Variants in TLN2 observed in about 807,000 individuals in gnomAD.
TLN2 encodes the protein talin 2, also known as talin-2.
TLN2 carries 118 observed loss-of-function variants against 294.7 expected under a neutral mutation model. The ratio of observed to expected loss-of-function variants is 0.40; its 90% CI spans 0.34 to 0.47. The LOEUF (loss-of-function observed/expected upper bound fraction) is 0.47. TLN2 is among the 20% of genes least tolerant of loss of function. The pLI is 0.84. For synonymous variants in TLN2, 1,431 were observed against 1,304.5 expected (o/e 1.10, Z -2.09); for missense variants, 3,083 against 3,282.2 (o/e 0.94, Z 1.48).
intron 12 of TLN2, chr15:62,690,331 G>C (rs1375563710): frequency 1.9e-5 from 3 of 159,576 alleles, no homozygotes; most frequent in South Asian, 1.6e-4. Flanking sequence ...CCTCCCAGAC[G>C]GGGTCGCGGC....
At chr15:62,488,711 C>A (rs529071210) in intron 1 of TLN2, among the ~76,000 whole-genome samples, 41 of 152,286 alleles carry the variant, frequency 2.7e-4, no homozygotes, top group Non-Finnish European at 4.9e-4. Flanking sequence ...TTTCAGAATA[C>A]AATGATCAGC....
chr15:62,667,028 T>G (rs959097545), intron 9 of TLN2, among the ~76,000 whole-genome samples: 2 of 152,132 alleles, frequency 1.3e-5, no homozygotes, highest in African/African-American at 2.4e-5. Flanking sequence ...TGCAGTGGCA[T>G]GATCTCGGCT....
chr15:62,570,190 C>G (rs536491737), intron 1 of TLN2, among the ~76,000 whole-genome samples: 1 of 152,274 alleles, frequency 6.6e-6, no homozygotes, highest in East Asian at 1.9e-4. Flanking sequence ...TTTAGGAAGT[C>G]TTTAGGGATT....
At chr15:62,495,231 A>G (rs2038955743) in intron 1 of TLN2, among the ~76,000 whole-genome samples, 1 of 152,160 alleles carries the variant, frequency 6.6e-6, no homozygotes, top group African/African-American at 2.4e-5. Flanking sequence ...TGACCCTCCT[A>G]GGACCTAAGA....
At chr15:62,606,853 C>T (rs1455286608) in intron 2 of TLN2, among the ~76,000 whole-genome samples, 2 of 152,128 alleles carry the variant, frequency 1.3e-5, no homozygotes, top group African/African-American at 4.8e-5. Context: ...AAGTGAATAG[C>T]ACCCTCCTCG....
chr15:62,677,806 CTT>C lies in TLN2; in HGVS notation c.957+2499_957+2500del, dbSNP rs3055781. Reference sequence around the variant, plus strand: ...TTAAGAAAGTAGGCAGCACTTGCAACTTTTTTTTTTTTTTTGAGACGGAGATT... The same window carrying C: ...TTAAGAAAGTAGGCAGCACTTGCAACTTTTTTTTTTTTTGAGACGGAGATT... On this transcript the variant is annotated intron_variant, in intron 11 of 58. Transcript: ENST00000636159. 1.2e-3 allele frequency among the ~76,000 whole-genome samples: 91 copies of C among 75,272 alleles called. 5 individuals carry two copies. The highest frequency in any genetic ancestry group is 1.7e-3 in the Non-Finnish European group (69 of 41,468). 49.4% of individuals were successfully genotyped at this position (75,272 alleles called of 152,430 possible). A position where few individuals can be genotyped will look rare whatever the true frequency, so the allele number is the denominator to read the frequency against.
At chr15:62,499,162 C>T (rs994703315) in intron 1 of TLN2, among the ~76,000 whole-genome samples, 7 of 151,952 alleles carry the variant, frequency 4.6e-5, no homozygotes, top group Non-Finnish European at 1.0e-4. Context: ...TTATTTATTA[C>T]AAAACATTGA....
At chr15:62,836,316 C>G (rs77978434) in intron 57 of TLN2, among the ~76,000 whole-genome samples, 18,576 of 152,308 alleles carry the variant, frequency 0.12, 1,319 homozygotes, top group Non-Finnish European at 0.16. Flanking sequence ...CCAGCCCAAC[C>G]CAGCAGACCC....
intron 1 of TLN2, among the ~76,000 whole-genome samples, chr15:62,480,175 G>C (rs902816562): frequency 6.6e-6 from 1 of 152,132 alleles, no homozygotes; most frequent in Non-Finnish European, 1.5e-5. Flanking sequence ...AGAAGTGTCT[G>C]CTCCTTCCTA....
chr15:62,648,853 ATTAT>A (rs2052243412), intron 4 of TLN2, among the ~76,000 whole-genome samples: 1 of 151,512 alleles, frequency 6.6e-6, no homozygotes, highest in East Asian at 1.9e-4. Context: ...CTGGACGATT[ATTAT>A]TTTTTGAGAC....
rs774539278 is a variant in TLN2, at chr15:62,766,304, A to G, written c.5095-17A>G. ...GGAGCTGTTATGGGATGAACTTGAC[A>G]CTTCTCTCCTTATCAGGCCCTGCAG... On this transcript the variant is annotated splice_polypyrimidine_tract_variant and intron_variant, in intron 40 of 58. Coordinates refer to ENST00000636159, the MANE Select transcript of TLN2 (RefSeq NM_015059.3). 1.2e-6 allele frequency: 2 copies of G among 1,603,812 alleles called. No individual in the cohort carries two copies. Among genetic ancestry groups the G allele is most frequent in the African/African-American group, 1.3e-5 (1 of 74,796 alleles).
intron 1 of TLN2, among the ~76,000 whole-genome samples, chr15:62,422,930 G>A (rs746181654): frequency 3.9e-5 from 6 of 152,172 alleles, no homozygotes; most frequent in Non-Finnish European, 8.8e-5. Flanking sequence ...TTGAACACCG[G>A]TATTGGGAGA....
At chr15:62,519,262 G>A (rs1004275094) in intron 1 of TLN2, among the ~76,000 whole-genome samples, 5 of 152,134 alleles carry the variant, frequency 3.3e-5, no homozygotes, top group African/African-American at 9.7e-5. Flanking sequence ...GAAGTTGGCC[G>A]TCTCAGTACC....
At chr15:62,741,748 C>CGCGCGCGTGTGTGTATGTGTGTGT in intron 32 of TLN2, among the ~76,000 whole-genome samples, 12 of 131,072 alleles carry the variant, frequency 9.2e-5, no homozygotes, top group Non-Finnish European at 1.9e-4. Context: ...AAAATTTGCG[C>CGCGCGCGTGTGTGTATGTGTGTGT]GTGTGTGTGT....
At chr15:62,592,872 G>A (rs540576264) in intron 2 of TLN2, among the ~76,000 whole-genome samples, 154 of 152,298 alleles carry the variant, frequency 1.0e-3, no homozygotes, top group African/African-American at 3.6e-3. Flanking sequence ...TGGGGTGGGG[G>A]AATGATAAAT....
chr15:62,586,020 C>G (rs978503244), intron 1 of TLN2, among the ~76,000 whole-genome samples: 4 of 146,610 alleles, frequency 2.7e-5, no homozygotes, highest in Admixed American at 6.9e-5. Context: ...GAAACTGAGG[C>G]ACAGAGAGGT....
intron 9 of TLN2, among the ~76,000 whole-genome samples, chr15:62,659,353 C>T (rs552572346): frequency 6.6e-6 from 1 of 152,280 alleles, no homozygotes; most frequent in South Asian, 2.1e-4. Flanking sequence ...GCAAAGTTGC[C>T]CCTTTCACTG....
intron 9 of TLN2, among the ~76,000 whole-genome samples, chr15:62,666,586 A>G (rs898518646): frequency 6.6e-6 from 1 of 152,200 alleles, no homozygotes; most frequent in Non-Finnish European, 1.5e-5. Flanking sequence ...TAATTAAAAG[A>G]CCGGTCATTA....
intron 1 of TLN2, among the ~76,000 whole-genome samples, chr15:62,460,031 C>T (rs441245): frequency 6.6e-6 from 1 of 152,200 alleles, no homozygotes; most frequent in Non-Finnish European, 1.5e-5. Flanking sequence ...TCTGTAGGCT[C>T]TGAGCAGAGT....
Sources: gnomAD v4.1 joint callset for allele counts (sites outside exome capture counted in the v4.1 genomes callset) on GRCh38, gnomAD v4.1.1 for gene constraint, MANE v1.5 for transcripts, NCBI Gene and HGNC (gene_info 2026-07-23, HGNC 2026-07-21) for gene names.